The following ZBTB41 variants were observed in gnomAD, a reference collection of about 807,000 sequenced individuals.
ZBTB41 encodes the protein zinc finger and BTB domain-containing protein 41.
A neutral mutation model predicts 87.6 loss-of-function variants in ZBTB41; 42 were observed. The observed-to-expected ratio is 0.48, with a 90% CI of 0.37 to 0.62. ZBTB41 has a LOEUF of 0.62. Ranked by LOEUF, ZBTB41 falls within the 20% of genes least tolerant of loss-of-function variation. The pLI, the probability that ZBTB41 is intolerant of heterozygous loss-of-function variation, is 0.00. For missense variants in ZBTB41, 799 were observed against 1,078.9 expected (o/e 0.74, Z 3.63); for synonymous variants, 364 against 364.0 (o/e 1.00, Z 0.00).
intron 8 of ZBTB41, chr1:197,176,116 G>A (rs1375395294): frequency 6.4e-6 from 1 of 155,636 alleles, no homozygotes; most frequent in Non-Finnish European, 1.4e-5. Flanking sequence ...CCAAAGACAG[G>A]GTTTCAAAAT....
At chr1:197,188,638 T>G (rs1659943359) in intron 4 of ZBTB41, among the ~76,000 whole-genome samples, 199 bp from the exon 5 acceptor site, 2 of 152,296 alleles carry the variant, frequency 1.3e-5, no homozygotes, top group East Asian at 1.9e-4. Context: ...AAATTAGTAC[T>G]AAAGGTAGCT....
rs1258254222 is a variant in ZBTB41 at position 197,158,471 on chromosome 1, T to A, written c.*888A>T. 7 of 152,432 alleles carry A rather than the reference T, an allele frequency of 4.6e-5. No individual in the cohort carries two copies. Among genetic ancestry groups the A allele is most frequent in the Non-Finnish European group, 8.8e-5 (6 of 67,904 alleles). 9.4% of individuals were successfully genotyped at this position (152,432 alleles called of 1,614,324 possible). A position where few individuals can be genotyped will look rare whatever the true frequency, so the allele number is the denominator to read the frequency against. On this transcript the variant is annotated 3_prime_UTR_variant, in exon 11 of 11. Coordinates refer to ENST00000367405, the MANE Select transcript of ZBTB41 (RefSeq NM_194314.3). ...TCAAAAGTAGCATGTTTAATTAAAT[T>A]TCATTGAGTTACAACTGCTCTTTTC...
rs1388498992 is a variant in ZBTB41 at position 197,155,777 on chromosome 1, C to T, written c.*3582G>A. 1 of 152,272 alleles carries T rather than the reference C, an allele frequency of 6.6e-6. No individual in the cohort carries two copies. Among genetic ancestry groups the T allele is most frequent in the African/African-American group, 2.4e-5 (1 of 41,392 alleles). The allele number at this position is 152,272 out of a possible 1,614,324, so 9.4% of individuals were successfully genotyped here. Reference sequence around the variant, plus strand: ...TAAAAGGAAGTCACCTAATAAAGCACCAATTTAAAACCATATTTTTGCTAC... The same window carrying T: ...TAAAAGGAAGTCACCTAATAAAGCATCAATTTAAAACCATATTTTTGCTAC... On this transcript the variant is annotated 3_prime_UTR_variant, in exon 11 of 11. Transcript: ENST00000367405.
In ZBTB41 at chr1:197,155,675, C is replaced by G. The variant is rs1178165671; in HGVS notation, c.*3684G>C. On this transcript the variant is annotated 3_prime_UTR_variant, in exon 11 of 11. Transcript: ENST00000367405. ...ACCCTTAATTAGCAGTTTAGAGTCA[C>G]CCTACAAAGATGCTTTGACACTTTT... 1 of 152,302 alleles carries G rather than the reference C, an allele frequency of 6.6e-6. No individual in the cohort carries two copies. Among genetic ancestry groups the G allele is most frequent in the African/African-American group, 2.4e-5 (1 of 41,392 alleles). 9.4% of individuals were successfully genotyped at this position (152,302 alleles called of 1,614,324 possible).
At chr1:197,168,924 G>A (rs1000299612) in intron 10 of ZBTB41, among the ~76,000 whole-genome samples, 3 of 151,880 alleles carry the variant, frequency 2.0e-5, no homozygotes, top group African/African-American at 4.8e-5. Flanking sequence ...ATGAGTACAA[G>A]AATTAATCTA....
chr1:197,172,333 C>G (rs1659502806), intron 9 of ZBTB41, 85 bp from the exon 10 acceptor site: 1 of 344,940 alleles, frequency 2.9e-6, no homozygotes, highest in Non-Finnish European at 4.8e-6. Context: ...ATATTAATAA[C>G]TAACATAATG....
intron 4 of ZBTB41, among the ~76,000 whole-genome samples, 177 bp from the exon 5 acceptor site, chr1:197,188,616 A>C (rs1400071317): frequency 6.6e-6 from 1 of 152,334 alleles, no homozygotes; most frequent in East Asian, 1.9e-4. Flanking sequence ...AGAGGAAGTA[A>C]GGAATGATTT....
At position 197,180,916 on chromosome 1, in the gene ZBTB41, A is replaced by C. The variant is rs190878628; in HGVS notation, c.1676+72T>G. The C allele has an allele frequency of 2.8e-4, 420 of 1,493,114 alleles. 1 individual carries two copies. The highest frequency in any genetic ancestry group is 2.0e-3 in the African/African-American group (144 of 70,376). 92.5% of individuals were successfully genotyped at this position (1,493,114 alleles called of 1,614,324 possible). A position where few individuals can be genotyped will look rare whatever the true frequency, so the allele number is the denominator to read the frequency against. On this transcript the variant is annotated intron_variant, in intron 6 of 10. Coordinates refer to ENST00000367405, the MANE Select transcript of ZBTB41 (RefSeq NM_194314.3). ...TGTGTCTTATGTTACCCTAATTCCT[A>C]TAAATCATATTGATTGATTATTTCT...
At chr1:197,199,067 T>C (rs918408357) in intron 2 of ZBTB41, among the ~76,000 whole-genome samples, 1 of 152,186 alleles carries the variant, frequency 6.6e-6, no homozygotes, top group South Asian at 2.1e-4. Context: ...ATCAAAGCTC[T>C]ACATGATAAT....
At chr1:197,188,196 A>G (rs1015960853) in intron 5 of ZBTB41, 96 bp downstream of exon 5, 1 of 1,418,844 alleles carries the variant, frequency 7.0e-7, no homozygotes, top group African/African-American at 1.4e-5. Flanking sequence ...AAAGTCTTTT[A>G]GAAGAAAAAG....
intron 3 of ZBTB41, 92 bp downstream of exon 3, chr1:197,191,600 G>T: frequency 2.0e-6 from 2 of 987,532 alleles, no homozygotes; most frequent in Non-Finnish European, 2.8e-6. Context: ...TGAAAGAATT[G>T]GAGATAAGCA....
chr1:197,184,878 G>A (rs996377248), intron 5 of ZBTB41, among the ~76,000 whole-genome samples: 2 of 151,834 alleles, frequency 1.3e-5, no homozygotes, highest in African/African-American at 2.4e-5. Flanking sequence ...GCAATAGCGC[G>A]ATCTTGACTC....
intron 2 of ZBTB41, among the ~76,000 whole-genome samples, chr1:197,196,689 C>T (rs1039642879): frequency 6.6e-6 from 1 of 152,178 alleles, no homozygotes; most frequent in Admixed American, 6.5e-5. Flanking sequence ...CTCTGTAGAA[C>T]ATACAAGACA....
intron 7 of ZBTB41, 22 bp downstream of exon 7, chr1:197,178,394 AG>A (rs1348200224): frequency 6.7e-7 from 1 of 1,492,686 alleles, no homozygotes; most frequent in Non-Finnish European, 9.2e-7. Flanking sequence ...TACTTAATAA[AG>A]GGAAAAAATG....
At chr1:197,186,699 TA>T (rs1323673854) in intron 5 of ZBTB41, among the ~76,000 whole-genome samples, 2 of 151,840 alleles carry the variant, frequency 1.3e-5, no homozygotes, top group East Asian at 1.9e-4. Context: ...CCATCTCTAT[TA>T]AAAATACAAA....
intron 10 of ZBTB41, among the ~76,000 whole-genome samples, chr1:197,163,702 A>G (rs2125123181): frequency 6.6e-6 from 1 of 152,068 alleles, no homozygotes; most frequent in Non-Finnish European, 1.5e-5. Flanking sequence ...ACTTCTGAAA[A>G]CCAAAAACAG....
rs1428330423 is a variant in ZBTB41 at position 197,158,188 on chromosome 1, T to C, written c.*1171A>G. The C allele has an allele frequency of 6.6e-6, 1 of 152,346 alleles. No homozygotes were observed. The highest frequency in any genetic ancestry group is 1.5e-5 in the Non-Finnish European group (1 of 67,878). 9.4% of individuals were successfully genotyped at this position (152,346 alleles called of 1,614,324 possible). On this transcript the variant is annotated 3_prime_UTR_variant, in exon 11 of 11. Transcript: ENST00000367405. ...AGGTTTTGCTGTAACTGCTATTTCCTTTCACCAAGTCCTCAACTTTTGTCT... is the reference window on the plus strand; with the variant it reads ...AGGTTTTGCTGTAACTGCTATTTCCCTTCACCAAGTCCTCAACTTTTGTCT...
Position 197,172,207 on chromosome 1 carries a change from A to G in ZBTB41, c.2027T>C (p.Ile676Thr). 2 of 1,436,146 alleles carry G rather than the reference A, an allele frequency of 1.4e-6. No homozygotes were observed. The highest frequency in any genetic ancestry group is 1.4e-5 in the African/African-American group (1 of 69,432). The allele number at this position is 1,436,146 out of a possible 1,614,324, so 89.0% of individuals were successfully genotyped here. A position where few individuals can be genotyped will look rare whatever the true frequency, so the allele number is the denominator to read the frequency against. Residue 676 changes from isoleucine to threonine, a missense_variant, in exon 10 of 11, where the codon ATT (isoleucine) becomes ACT (threonine). By Grantham distance (89) the Ile-to-Thr change is moderately conservative. Coordinates refer to ENST00000367405, the MANE Select transcript of ZBTB41 (RefSeq NM_194314.3). ...TTCCAGACTTGATTTGCCTTTAAAA[A>G]TTTTCTTACAAACATCACATTGATG... ...TFHQCDVCKK[I>T]FKGKSSLEMH...
chr1:197,171,727 G>A (rs887085872), intron 10 of ZBTB41, among the ~76,000 whole-genome samples: 2 of 151,534 alleles, frequency 1.3e-5, no homozygotes, highest in African/African-American at 4.8e-5. Context: ...ATGAAACGAT[G>A]GTAACTTGGC....
Sources: allele counts gnomAD v4.1 joint callset (sites outside exome capture counted in the v4.1 genomes callset), GRCh38; gene constraint gnomAD v4.1.1; transcripts MANE v1.5; gene names NCBI Gene and HGNC (gene_info 2026-07-23, HGNC 2026-07-21).